The following XPO4 variants were observed in gnomAD, a reference collection of about 807,000 sequenced individuals.
XPO4 encodes the protein exportin-4.
Under a neutral mutation model 143.0 loss-of-function variants are expected in XPO4, and 39 were observed. The ratio of observed to expected loss-of-function variants is 0.27; its 90% CI spans 0.21 to 0.36. The LOEUF (loss-of-function observed/expected upper bound fraction) is 0.36, where lower values mean the gene tolerates loss of function less well. Ranked by LOEUF, XPO4 falls within the 10% of genes least tolerant of loss-of-function variation. The pLI, the probability that XPO4 is intolerant of heterozygous loss-of-function variation, is 1.00. For synonymous variants in XPO4, 439 were observed against 474.0 expected (o/e 0.93, Z 0.96); for missense variants, 907 against 1,348.0 (o/e 0.67, Z 5.12).
At chr13:20,830,158 A>T (rs983850809) in intron 6 of XPO4, among the ~76,000 whole-genome samples, 4 of 152,102 alleles carry the variant, frequency 2.6e-5, no homozygotes, top group Non-Finnish European at 5.9e-5. Context: ...CTGATGCCCA[A>T]TTCCATGGCC....
At chr13:20,888,957 C>T (rs977138012) in intron 1 of XPO4, among the ~76,000 whole-genome samples, 11 of 152,044 alleles carry the variant, frequency 7.2e-5, no homozygotes, top group African/African-American at 2.4e-4. Flanking sequence ...CGTGTGCCAC[C>T]ATGCCCAGTT....
At chr13:20,814,189 C>A (rs1392974136) in intron 9 of XPO4, among the ~76,000 whole-genome samples, 4 of 118,890 alleles carry the variant, frequency 3.4e-5, no homozygotes, top group Non-Finnish European at 3.4e-5. Context: ...CTCACCCAGT[C>A]TCCAAAAAAA....
chr13:20,790,612 G>A, intron 18 of XPO4, 32 bp from the exon 19 acceptor site: 2 of 1,539,020 alleles, frequency 1.3e-6, no homozygotes, highest in East Asian at 2.3e-5. Flanking sequence ...GGCTTATGGT[G>A]GTAACATCAA....
intron 6 of XPO4, among the ~76,000 whole-genome samples, chr13:20,833,512 T>A (rs2059877779): frequency 6.6e-6 from 1 of 152,248 alleles, no homozygotes; most frequent in South Asian, 2.1e-4. Context: ...GTAAGTGCTA[T>A]GTACATTGTT....
chr13:20,902,560 C>T (rs1175401717), intron 1 of XPO4, 110 bp downstream of exon 1: 2 of 1,333,182 alleles, frequency 1.5e-6, no homozygotes, highest in African/African-American at 3.1e-5. Flanking sequence ...CACTTCCAGG[C>T]TCCCTGCAGG....
chr13:20,849,095 C>T lies in XPO4; in HGVS notation c.457-5209G>A, dbSNP rs554791743. 5 of 985,438 alleles carry T rather than the reference C, an allele frequency of 5.1e-6. No individual in the cohort carries two copies. In the South Asian group the frequency reaches 1.9e-4, roughly 37 times the overall value. The allele number at this position is 985,438 out of a possible 1,614,324, so 61.0% of individuals were successfully genotyped here. On this transcript the variant is annotated intron_variant, in intron 4 of 22. Transcript: ENST00000255305. Reference sequence around the variant, plus strand: ...CTGTCACAAGCCCAAGATACTCAAACACTAACTCCAGCTGACAAAATAAAA... The same window carrying T: ...CTGTCACAAGCCCAAGATACTCAAATACTAACTCCAGCTGACAAAATAAAA...
intron 18 of XPO4, among the ~76,000 whole-genome samples, chr13:20,792,185 G>A (rs748394015): frequency 3.9e-5 from 6 of 152,120 alleles, no homozygotes; most frequent in Admixed American, 2.0e-4. Context: ...AAGGCCAGGC[G>A]CAGTAATCCC....
chr13:20,845,417 T>G (rs952191520), intron 4 of XPO4, among the ~76,000 whole-genome samples: 2 of 152,214 alleles, frequency 1.3e-5, no homozygotes, highest in Admixed American at 1.3e-4. Context: ...AACACACACA[T>G]TTTGTAATTT....
chr13:20,838,898 A>G (rs1160311694), intron 6 of XPO4, among the ~76,000 whole-genome samples: 9 of 152,204 alleles, frequency 5.9e-5, no homozygotes, highest in Non-Finnish European at 7.3e-5. Flanking sequence ...TATTATGGCA[A>G]TGAAAAGGAA....
At chr13:20,813,395 A>G (rs2059608337) in intron 9 of XPO4, among the ~76,000 whole-genome samples, 1 of 152,192 alleles carries the variant, frequency 6.6e-6, no homozygotes, top group African/African-American at 2.4e-5. Flanking sequence ...GACACAAACA[A>G]GCATTTCAAA....
chr13:20,821,409 T>C (rs2059718572), intron 9 of XPO4, among the ~76,000 whole-genome samples: 1 of 152,130 alleles, frequency 6.6e-6, no homozygotes, highest in Non-Finnish European at 1.5e-5. Flanking sequence ...AATTTTTACA[T>C]GAAAAATTGT....
At chr13:20,817,495 G>T (rs971294028) in intron 9 of XPO4, among the ~76,000 whole-genome samples, 2 of 152,112 alleles carry the variant, frequency 1.3e-5, no homozygotes, top group African/African-American at 4.8e-5. Flanking sequence ...TAGATGTAAG[G>T]TTCTTCCTTT....
At chr13:20,829,991 A>C (rs193238052) in intron 6 of XPO4, among the ~76,000 whole-genome samples, 80 of 152,336 alleles carry the variant, frequency 5.3e-4, no homozygotes, top group Non-Finnish European at 1.6e-4. Flanking sequence ...GGGAAAATGG[A>C]TATGAGTTTT....
In XPO4 at chr13:20,782,499, CT is replaced by C. The variant is rs1423141149; in HGVS notation, c.*1222del. 1 of 152,648 alleles carries C rather than the reference CT, an allele frequency of 6.6e-6. No homozygotes were observed. The highest frequency in any genetic ancestry group is 1.5e-5 in the Non-Finnish European group (1 of 68,048). The allele number at this position is 152,648 out of a possible 1,614,324, so 9.5% of individuals were successfully genotyped here. Reference sequence around the variant, plus strand: ...TTTTTAATCTCTGAAATTAAATTCACTGGCTCCCATGTCTGGATAAGAATTA... The same window carrying C: ...TTTTTAATCTCTGAAATTAAATTCACGGCTCCCATGTCTGGATAAGAATTA... On this transcript the variant is annotated 3_prime_UTR_variant, in exon 23 of 23. Coordinates refer to ENST00000255305, the MANE Select transcript of XPO4 (RefSeq NM_022459.5).
At chr13:20,858,038 A>G (rs2060161380) in intron 3 of XPO4, 1 of 926,872 alleles carries the variant, frequency 1.1e-6, no homozygotes, top group Non-Finnish European at 1.3e-6. Flanking sequence ...AATCTAATCC[A>G]CACTGTAGGG....
intron 1 of XPO4, among the ~76,000 whole-genome samples, chr13:20,881,153 G>C (rs2060405537): frequency 6.6e-6 from 1 of 152,096 alleles, no homozygotes; most frequent in African/African-American, 2.4e-5. Flanking sequence ...AGGAGGAAAT[G>C]GGAAGTTGCT....
At chr13:20,828,466 T>G (rs541846616) in intron 6 of XPO4, among the ~76,000 whole-genome samples, 7 of 152,124 alleles carry the variant, frequency 4.6e-5, no homozygotes, top group Non-Finnish European at 7.3e-5. Flanking sequence ...ACAGGGAAAA[T>G]TAAAGGCTGT....
At chr13:20,839,073 G>A (rs1273375337) in intron 6 of XPO4, among the ~76,000 whole-genome samples, 4 of 152,098 alleles carry the variant, frequency 2.6e-5, no homozygotes, top group Non-Finnish European at 5.9e-5. Flanking sequence ...AGACCAGCCT[G>A]GGCAACATGG....
chr13:20,897,825 G>GCTCACCA (rs1348969050), intron 1 of XPO4, among the ~76,000 whole-genome samples: 1 of 152,154 alleles, frequency 6.6e-6, no homozygotes, highest in Non-Finnish European at 1.5e-5. Context: ...CACAATCTCT[G>GCTCACCA]CAACCTCTGC....
Sources: allele counts gnomAD v4.1 joint callset (sites outside exome capture counted in the v4.1 genomes callset), GRCh38; gene constraint gnomAD v4.1.1; transcripts MANE v1.5; gene names NCBI Gene and HGNC (gene_info 2026-07-23, HGNC 2026-07-21).